The following SCN3A variants were observed in gnomAD, a reference collection of about 807,000 sequenced individuals.
The protein encoded by SCN3A is sodium voltage-gated channel alpha subunit 3, also known as sodium channel protein type 3 subunit alpha.
In SCN3A, 60 loss-of-function variants were observed where a neutral mutation model predicts 187.6. The observed-to-expected ratio is 0.32, with a 90% confidence interval of 0.26 to 0.40. SCN3A has a LOEUF of 0.40. Among genes scored for constraint, SCN3A ranks in the 10% least tolerant of loss-of-function variants. The pLI is 1.00. For synonymous variants in SCN3A, 788 were observed against 829.2 expected (o/e 0.95, Z 0.85); for missense variants, 1,601 against 2,428.2 (o/e 0.66, Z 7.16).
intron 1 of SCN3A, among the ~76,000 whole-genome samples, chr2:165,197,759 G>C (rs1011201442): frequency 3.3e-5 from 5 of 151,614 alleles, no homozygotes; most frequent in Non-Finnish European, 7.4e-5. Context: ...CTTTATGTCA[G>C]TGTAAGAGAA....
At chr2:165,143,610 A>G (rs986800027) in intron 12 of SCN3A, among the ~76,000 whole-genome samples, 2 of 152,220 alleles carry the variant, frequency 1.3e-5, no homozygotes, top group African/African-American at 4.8e-5. Flanking sequence ...GAGTGGAGGG[A>G]ATACCCACAG....
chr2:165,097,330 A>G lies in SCN3A; in HGVS notation c.4161T>C (p.Leu1387=). Residue 1387 remains leucine, a synonymous_variant, in exon 23 of 28, where the codon CTT becomes CTC. Transcript: ENST00000283254. The part of the protein sequence containing the change: ...DVNNLSDCQA[L]GKQARWKNVK... ...CGTTTTTCCACCGAGCTTGCTTGCC[A>G]AGAGCCTGACAGTCACTCAAATTGT... 6.2e-7 allele frequency: 1 copy of G among 1,614,116 alleles called. No homozygotes were observed. Among genetic ancestry groups the G allele is most frequent in the Non-Finnish European group, 8.5e-7 (1 of 1,179,982 alleles).
Position 165,090,732 on chromosome 2 carries a change from A to G in SCN3A, c.5421T>C (p.Phe1807=), listed in dbSNP as rs749614576. Reference sequence around the variant, plus strand: ...AATCAGAGAGTTTAGAGAACTCTATAAACTGGGTCGCATCGGGATCAAACT... The same window carrying G: ...AATCAGAGAGTTTAGAGAACTCTATGAACTGGGTCGCATCGGGATCAAACT... ...WEKFDPDATQ[F]IEFSKLSDFA... The change falls in exon 28 of 28, where the codon TTT becomes TTC. Residue 1807 remains phenylalanine, a synonymous_variant. Transcript: ENST00000283254. The surrounding 1 kb of genome is among the most constrained non-coding windows in gnomAD (Gnocchi z 4.0). 2 of 1,614,150 alleles carry G rather than the reference A, an allele frequency of 1.2e-6. No individual in the cohort carries two copies. The highest frequency in any genetic ancestry group is 2.2e-5 in the South Asian group (2 of 91,086).
intron 12 of SCN3A, among the ~76,000 whole-genome samples, chr2:165,141,998 A>G (rs1331880417): frequency 6.6e-6 from 1 of 152,212 alleles, no homozygotes; most frequent in Non-Finnish European, 1.5e-5. Flanking sequence ...TTAAACTAGC[A>G]ACCCCAAATA....
rs146378042 is a variant in SCN3A, at chr2:165,101,184, G to T, written c.3844-760C>A. Among the ~76,000 whole-genome samples the T allele has an allele frequency of 1.4e-3, 209 of 152,182 alleles. 1 individual carries two copies. Among genetic ancestry groups the T allele is most frequent in the African/African-American group, 4.8e-3 (201 of 41,534 alleles). ...GAGCATTTTGGATTTTGGATTTTTC[G>T]ATTAGAGATGCTCAACTGACATAGA... is the stretch of plus-strand genomic sequence containing the variant. On this transcript the variant is annotated intron_variant, in intron 21 of 27. Transcript: ENST00000283254.
intron 22 of SCN3A, 186 bp from the exon 23 acceptor site, chr2:165,097,710 G>C (rs1685424193): frequency 1.4e-6 from 1 of 740,638 alleles, no homozygotes; most frequent in Non-Finnish European, 2.2e-6. Context: ...CAACTAAAGA[G>C]CTAAGGTTTT....
chr2:165,139,442 C>G (rs1349296955), intron 14 of SCN3A, 34 bp downstream of exon 14: 2 of 1,613,338 alleles, frequency 1.2e-6, no homozygotes, highest in African/African-American at 2.7e-5. Context: ...CACATAATCA[C>G]AGAAAGTTGG....
chr2:165,155,546 G>A (rs1233888815), intron 10 of SCN3A, among the ~76,000 whole-genome samples: 2 of 151,840 alleles, frequency 1.3e-5, no homozygotes, highest in Non-Finnish European at 2.9e-5. Flanking sequence ...GCTACAGATG[G>A]GCGCCACCAT....
At chr2:165,115,351 GC>G in intron 19 of SCN3A, 103 bp downstream of exon 19, 2 of 1,495,564 alleles carry the variant, frequency 1.3e-6, no homozygotes, top group Non-Finnish European at 1.8e-6. Flanking sequence ...ACAGGCATAA[GC>G]CACCACACCT....
At chr2:165,154,223 C>A (rs1046220334) in intron 11 of SCN3A, among the ~76,000 whole-genome samples, 2 of 151,872 alleles carry the variant, frequency 1.3e-5, no homozygotes, top group Non-Finnish European at 2.9e-5. Flanking sequence ...TAAACCTTAT[C>A]TCTAATGTAT....
chr2:165,157,926 G>GT (rs961912401), intron 9 of SCN3A, among the ~76,000 whole-genome samples: 4 of 150,748 alleles, frequency 2.7e-5, no homozygotes, highest in African/African-American at 9.7e-5. Context: ...ATTTTTTTTT[G>GT]TTTTTTAACA....
intron 18 of SCN3A, among the ~76,000 whole-genome samples, chr2:165,125,126 T>C (rs898164262): frequency 3.9e-5 from 6 of 152,144 alleles, no homozygotes; most frequent in African/African-American, 1.4e-4. Context: ...CCCTAAACTG[T>C]CTTTAATACC....
In SCN3A at chr2:165,184,711, T is replaced by A. The variant is rs188406103; in HGVS notation, c.-51+1840A>T. Among the ~76,000 whole-genome samples, 10 of 152,182 alleles carry A rather than the reference T, an allele frequency of 6.6e-5. No homozygotes were observed. In the East Asian group the frequency reaches 1.9e-3, roughly 29 times the overall value. On this transcript the variant is annotated intron_variant, in intron 2 of 27. Coordinates refer to ENST00000283254, the MANE Select transcript of SCN3A (RefSeq NM_006922.4). ...GGAGATAAAGCAAACAGGAATGAAT[T>A]AATAACAAACATAAAACCCACGTCT... is the stretch of plus-strand genomic sequence containing the variant.
At chr2:165,195,106 A>G (rs556955782) in intron 1 of SCN3A, 5 of 152,158 alleles carry the variant, frequency 3.3e-5, no homozygotes, top group Non-Finnish European at 7.3e-5. Flanking sequence ...TATATATGAT[A>G]AAAAATTTTG....
At chr2:165,163,451 A>G (rs1206391185) in intron 7 of SCN3A, among the ~76,000 whole-genome samples, 167 bp downstream of exon 7, 3 of 152,196 alleles carry the variant, frequency 2.0e-5, no homozygotes, top group Non-Finnish European at 4.4e-5. Context: ...ATAAATACGC[A>G]TGTAATTTAT....
chr2:165,130,327 G>A, intron 16 of SCN3A, 31 bp from the exon 17 acceptor site: 1 of 1,599,578 alleles, frequency 6.3e-7, no homozygotes, highest in Non-Finnish European at 8.6e-7. Context: ...GCTGTTAGTA[G>A]TAATCATAAT....
intron 15 of SCN3A, among the ~76,000 whole-genome samples, chr2:165,134,920 T>G (rs1383142496): frequency 6.6e-6 from 1 of 151,932 alleles, no homozygotes; most frequent in African/African-American, 2.4e-5. Context: ...CTCATACCTT[T>G]AAAAACATAT....
chr2:165,188,525 C>T (rs1691381138), intron 1 of SCN3A, among the ~76,000 whole-genome samples: 1 of 152,180 alleles, frequency 6.6e-6, no homozygotes, highest in South Asian at 2.1e-4. Flanking sequence ...CGCGGTGGCT[C>T]ACGCCTGTAA....
At chr2:165,113,559 A>G (rs1260750623) in intron 20 of SCN3A, among the ~76,000 whole-genome samples, 1 of 152,148 alleles carries the variant, frequency 6.6e-6, no homozygotes, top group Non-Finnish European at 1.5e-5. Context: ...GTGGTTACAG[A>G]ATGTCTCTGC....
Sources: gnomAD v4.1 joint callset for allele counts (sites outside exome capture counted in the v4.1 genomes callset) on GRCh38, gnomAD v4.1.1 for gene constraint, Gnocchi (gnomAD v3.1) non-coding constraint, MANE v1.5 for transcripts, NCBI Gene and HGNC (gene_info 2026-07-23, HGNC 2026-07-21) for gene names.